Variants in XRCC2 observed in about 807,000 individuals in gnomAD.
XRCC2 encodes the protein DNA repair protein XRCC2.
XRCC2 carries 24 observed loss-of-function variants against 27.3 expected under a neutral mutation model. That is an observed-to-expected ratio of 0.88 (90% CI 0.64 to 1.24). The LOEUF is 1.24. Among genes scored for constraint, XRCC2 ranks in the 50% most tolerant of loss-of-function variants. The pLI is 0.00. For synonymous variants in XRCC2, 106 were observed against 115.4 expected, an observed-to-expected ratio of 0.92 and a Z score of 0.52; for missense variants, 321 against 325.8, an observed-to-expected ratio of 0.99 and a Z score of 0.11.
chr7:152,655,231 C>A (rs2098030232), intron 2 of XRCC2, among the ~76,000 whole-genome samples: 1 of 152,224 alleles, frequency 6.6e-6, no homozygotes, highest in South Asian at 2.1e-4. Context: ...AGAAAGAGTT[C>A]TGAATCTAAA....
chr7:152,669,561 C>A (rs756018962), intron 1 of XRCC2, among the ~76,000 whole-genome samples: 8 of 151,958 alleles, frequency 5.3e-5, no homozygotes, highest in Non-Finnish European at 1.0e-4. Flanking sequence ...CACCACCAAA[C>A]CCGGCTATTT....
At chr7:152,671,719 C>G (rs116686296) in intron 1 of XRCC2, among the ~76,000 whole-genome samples, 1 of 151,924 alleles carries the variant, frequency 6.6e-6, no homozygotes, top group Admixed American at 6.6e-5. Context: ...ATAGTTAGAC[C>G]GGGTGCCCAT....
intron 1 of XRCC2, among the ~76,000 whole-genome samples, chr7:152,671,699 C>T (rs757899258): frequency 4.6e-5 from 7 of 152,052 alleles, no homozygotes; most frequent in Admixed American, 6.6e-5. Flanking sequence ...AAGTGAATTA[C>T]TAGAGAAATA....
At chr7:152,661,761 G>A (rs1214748273) in intron 1 of XRCC2, among the ~76,000 whole-genome samples, 1 of 152,168 alleles carries the variant, frequency 6.6e-6, no homozygotes, top group African/African-American at 2.4e-5. Flanking sequence ...TTGGCTTGTA[G>A]ACAACAGCCA....
intron 1 of XRCC2, chr7:152,663,982 T>G (rs1590135634): frequency 6.6e-6 from 1 of 152,282 alleles, no homozygotes; most frequent in African/African-American, 2.4e-5. Context: ...ATGCAGGCGG[T>G]TGACTATGTC....
Position 152,647,955 on chromosome 7 carries a change from T to A in XRCC2, c.*687A>T, listed in dbSNP as rs2098026730. 1 of 152,224 alleles carries A rather than the reference T, an allele frequency of 6.6e-6. No individual in the cohort carries two copies. The highest frequency in any genetic ancestry group is 2.4e-5 in the African/African-American group (1 of 41,466). 9.4% of individuals were successfully genotyped at this position (152,224 alleles called of 1,614,324 possible). A position where few individuals can be genotyped will look rare whatever the true frequency, so the allele number is the denominator to read the frequency against. On this transcript the variant is annotated 3_prime_UTR_variant, in exon 3 of 3. Transcript: ENST00000359321. The stretch of plus-strand genomic sequence containing the variant: ...CTCTCAGATTTACTTTCTGAGATAA[T>A]CTTTTAAAAGTTCCTTTGTGAAGAA...
rs2098027384 is a variant in XRCC2, at chr7:152,649,081, C to A, written c.404G>T (p.Ser135Ile). Reference sequence around the variant, plus strand: ...GAGAGATGGGTGACTACAAAACATACTTTCTAGTGAGTAAAGTGTAAGAAG... The same window carrying A: ...GAGAGATGGGTGACTACAAAACATAATTTCTAGTGAGTAAAGTGTAAGAAG... ...HLLLTLYSLESMFCSHPSLCL... is the reference protein window; with the variant it reads ...HLLLTLYSLEIMFCSHPSLCL... Residue 135 changes from serine to isoleucine, a missense_variant, in exon 3 of 3, where the codon AGT (serine) becomes ATT (isoleucine). Transcript: ENST00000359321. The A allele has an allele frequency of 6.2e-7, 1 of 1,614,174 alleles. No homozygotes were observed. The highest frequency in any genetic ancestry group is 8.5e-7 in the Non-Finnish European group (1 of 1,180,024).
At chr7:152,673,885 C>A (rs767812567) in intron 1 of XRCC2, among the ~76,000 whole-genome samples, 4 of 151,806 alleles carry the variant, frequency 2.6e-5, no homozygotes, top group African/African-American at 9.7e-5. Context: ...TCAAAAAAAA[C>A]CAAAAATTTA....
At chr7:152,664,907 A>G (rs1289444569) in intron 1 of XRCC2, among the ~76,000 whole-genome samples, 1 of 152,182 alleles carries the variant, frequency 6.6e-6, no homozygotes, top group Non-Finnish European at 1.5e-5. Flanking sequence ...AAACATGTCC[A>G]GGAATGTGCA....
chr7:152,659,293 T>C (rs1409087843), intron 2 of XRCC2, among the ~76,000 whole-genome samples: 1 of 152,034 alleles, frequency 6.6e-6, no homozygotes, highest in Non-Finnish European at 1.5e-5. Flanking sequence ...AAGCAAAAAA[T>C]GATAAAACTC....
chr7:152,662,398 G>A (rs1015452611), intron 1 of XRCC2, among the ~76,000 whole-genome samples: 5 of 151,700 alleles, frequency 3.3e-5, no homozygotes, highest in Non-Finnish European at 7.4e-5. Context: ...CATGACGGAA[G>A]TCATTAGGAT....
At chr7:152,655,243 A>G (rs765116522) in intron 2 of XRCC2, among the ~76,000 whole-genome samples, 1 of 152,212 alleles carries the variant, frequency 6.6e-6, no homozygotes, top group African/African-American at 2.4e-5. Context: ...GAATCTAAAG[A>G]TCCTTCAAAA....
chr7:152,667,921 G>A (rs1436337551), intron 1 of XRCC2, among the ~76,000 whole-genome samples: 3 of 151,498 alleles, frequency 2.0e-5, no homozygotes, highest in African/African-American at 7.3e-5. Flanking sequence ...CTAGCTACTC[G>A]GGAGGCTGAG....
At chr7:152,651,208 G>T (rs2098028397) in intron 2 of XRCC2, among the ~76,000 whole-genome samples, 1 of 152,062 alleles carries the variant, frequency 6.6e-6, no homozygotes, top group African/African-American at 2.4e-5. Context: ...CCAAAGTGCT[G>T]GGATTACAGG....
At chr7:152,653,123 C>T (rs190290267) in intron 2 of XRCC2, among the ~76,000 whole-genome samples, 174 of 152,132 alleles carry the variant, frequency 1.1e-3, no homozygotes, top group Non-Finnish European at 1.9e-3. Flanking sequence ...ATCATGGGGG[C>T]GGGTCTTTCC....
At chr7:152,655,748 T>C (rs142758688) in intron 2 of XRCC2, among the ~76,000 whole-genome samples, 21 of 151,550 alleles carry the variant, frequency 1.4e-4, no homozygotes, top group Non-Finnish European at 2.8e-4. Flanking sequence ...CAATGGCTCA[T>C]GCCTGTAATC....
intron 2 of XRCC2, among the ~76,000 whole-genome samples, chr7:152,654,316 T>A (rs116428231): frequency 0.01 from 1,525 of 151,648 alleles, 17 homozygotes; most frequent in African/African-American, 0.022. Flanking sequence ...GATGGGTGGG[T>A]ATTATGGACC....
intron 1 of XRCC2, among the ~76,000 whole-genome samples, chr7:152,672,376 C>T (rs1214302186): frequency 1.3e-5 from 2 of 152,184 alleles, no homozygotes; most frequent in Non-Finnish European, 2.9e-5. Context: ...GCAAAGACCA[C>T]CCTGTAGCTT....
chr7:152,660,931 G>A (rs1222445553), intron 1 of XRCC2, 149 bp from the exon 2 acceptor site: 1 of 628,652 alleles, frequency 1.6e-6, no homozygotes, highest in Non-Finnish European at 2.6e-6. Context: ...TACTTTGGGA[G>A]GCCAAGGTGG....
Sources: gnomAD v4.1 joint callset for allele counts (sites outside exome capture counted in the v4.1 genomes callset) on GRCh38, gnomAD v4.1.1 for gene constraint, MANE v1.5 for transcripts, NCBI Gene and HGNC (gene_info 2026-07-23, HGNC 2026-07-21) for gene names.